Variants in GAS7 observed in about 807,000 individuals in gnomAD.
The protein encoded by GAS7 is growth arrest specific 7.
Under a neutral mutation model 71.1 loss-of-function variants are expected in GAS7, and 28 were observed. That is an observed-to-expected ratio of 0.39 (90% CI 0.29 to 0.54). GAS7 has a LOEUF of 0.54. GAS7 is among the 20% of genes least tolerant of loss of function. The pLI, the probability that GAS7 is intolerant of heterozygous loss-of-function variation, is 0.62. For missense variants in GAS7, 436 were observed against 627.8 expected, an observed-to-expected ratio of 0.69 and a Z score of 3.27; for synonymous variants, 258 against 245.8, an observed-to-expected ratio of 1.05 and a Z score of -0.46.
chr17:10,011,374 G>C (rs2071765711), intron 2 of GAS7, among the ~76,000 whole-genome samples: 1 of 151,928 alleles, frequency 6.6e-6, no homozygotes, highest in Admixed American at 6.6e-5. Flanking sequence ...CAAGGGGAGG[G>C]GCTTGGCCAG....
intron 2 of GAS7, among the ~76,000 whole-genome samples, chr17:10,003,906 C>T (rs1380514102): frequency 1.3e-5 from 2 of 152,166 alleles, no homozygotes; most frequent in Non-Finnish European, 2.9e-5. Context: ...GAATCCAACT[C>T]AGAATGAAGT....
chr17:10,143,576 A>G (rs1244165081), intron 1 of GAS7, among the ~76,000 whole-genome samples: 1 of 150,792 alleles, frequency 6.6e-6, no homozygotes, highest in African/African-American at 2.4e-5. Flanking sequence ...CATAAAGGTA[A>G]TTAGGTTAAA....
At chr17:10,197,989 G>C (rs889985519) in intron 1 of GAS7, among the ~76,000 whole-genome samples, 6 of 152,178 alleles carry the variant, frequency 3.9e-5, no homozygotes, top group Non-Finnish European at 8.8e-5. Context: ...GGCGCAAGGT[G>C]GAAGCTCCCC....
At chr17:9,933,167 G>A (rs563140599) in intron 9 of GAS7, among the ~76,000 whole-genome samples, 3 of 152,172 alleles carry the variant, frequency 2.0e-5, no homozygotes, top group African/African-American at 7.2e-5. Flanking sequence ...GCAAGACTCT[G>A]TCTCAAAATC....
rs1405939667 is a variant in GAS7 at position 10,143,893 on chromosome 17, G to A, written c.183+54315C>T. Among the ~76,000 whole-genome samples the A allele has an allele frequency of 3.9e-5, 6 of 152,222 alleles. No homozygotes were observed. In the East Asian group the frequency reaches 1.2e-3, roughly 29 times the overall value. On this transcript the variant is annotated intron_variant, in intron 1 of 13. Coordinates refer to ENST00000432992, the MANE Select transcript of GAS7 (RefSeq NM_201433.2). ...TTGCATGGGCAAGGAGGGTGTCACA[G>A]TTAGTGCCAAGCATGTGAGTGTGCT... is the stretch of plus-strand genomic sequence containing the variant.
intron 3 of GAS7, among the ~76,000 whole-genome samples, chr17:9,980,713 C>T (rs1370839488): frequency 6.6e-6 from 1 of 152,156 alleles, no homozygotes; most frequent in Non-Finnish European, 1.5e-5. Flanking sequence ...CAGACAAAGT[C>T]CCCACCCTCA....
Position 9,926,568 on chromosome 17 carries a change from T to C in GAS7, c.1014+73A>G. On this transcript the variant is annotated intron_variant, in intron 10 of 13. Coordinates refer to ENST00000432992, the MANE Select transcript of GAS7 (RefSeq NM_201433.2). The surrounding 1 kb of genome is among the most constrained non-coding windows in gnomAD (Gnocchi z 5.0). ...CAGCCTTGGCGTATGGAGCCACTGC[T>C]GGCTTCCCAGTCCCCCTTCTTCCAG... 6.6e-7 allele frequency: 1 copy of C among 1,523,656 alleles called. No individual in the cohort carries two copies. Among genetic ancestry groups the C allele is most frequent in the Admixed American group, 1.7e-5 (1 of 59,432 alleles). 94.4% of individuals were successfully genotyped at this position (1,523,656 alleles called of 1,614,324 possible). A position where few individuals can be genotyped will look rare whatever the true frequency, so the allele number is the denominator to read the frequency against.
At chr17:10,140,894 A>G (rs1012639593) in intron 1 of GAS7, among the ~76,000 whole-genome samples, 7 of 152,256 alleles carry the variant, frequency 4.6e-5, no homozygotes, top group Non-Finnish European at 1.0e-4. Flanking sequence ...TACAAATGCT[A>G]AAGATGCAGG....
chr17:9,934,098 A>C, intron 9 of GAS7, 68 bp downstream of exon 9: 1 of 1,016,224 alleles, frequency 9.8e-7, no homozygotes, highest in Non-Finnish European at 1.6e-6. Context: ...CTGGAGAGAC[A>C]GTTGTTAACT....
intron 1 of GAS7, among the ~76,000 whole-genome samples, chr17:10,079,943 A>G (rs2073439747): frequency 6.6e-6 from 1 of 152,250 alleles, no homozygotes; most frequent in Non-Finnish European, 1.5e-5. Flanking sequence ...TATGGAGACA[A>G]TGTAATGTAC....
intron 1 of GAS7, among the ~76,000 whole-genome samples, chr17:10,147,753 A>C (rs1250669017): frequency 6.6e-6 from 1 of 152,222 alleles, no homozygotes; most frequent in Non-Finnish European, 1.5e-5. Flanking sequence ...ATGTTTATCG[A>C]AGCTTCCCAA....
chr17:9,944,454 C>T (rs2068718099), intron 6 of GAS7, among the ~76,000 whole-genome samples: 1 of 152,294 alleles, frequency 6.6e-6, no homozygotes. Context: ...AGTATCTCCC[C>T]GGACCACCCC....
rs2070113193 is a variant in GAS7 at position 9,974,645 on chromosome 17, T to C, written c.386-4883A>G. Among the ~76,000 whole-genome samples, 1 of 152,148 alleles carries C rather than the reference T, an allele frequency of 6.6e-6. No individual in the cohort carries two copies. The highest frequency in any genetic ancestry group is 1.5e-5 in the Non-Finnish European group (1 of 68,018). ...TACACACAGGCACCCACACACTTCATTTCCCTTATAGGCAGTTAAGCAACT... is the reference window on the plus strand; with the variant it reads ...TACACACAGGCACCCACACACTTCACTTCCCTTATAGGCAGTTAAGCAACT... On this transcript the variant is annotated intron_variant, in intron 3 of 13. Coordinates refer to ENST00000432992, the MANE Select transcript of GAS7 (RefSeq NM_201433.2). The surrounding 1 kb of genome is among the most constrained non-coding windows in gnomAD (Gnocchi z 4.0).
intron 5 of GAS7, among the ~76,000 whole-genome samples, chr17:9,955,951 G>A (rs1012760528): frequency 1.3e-4 from 20 of 152,184 alleles, no homozygotes; most frequent in African/African-American, 3.4e-4. Flanking sequence ...GGGCTTTTCC[G>A]CACAGGAGCA....
rs1008415172 is a variant in GAS7, at chr17:9,926,274, T to G, written c.1014+367A>C. On this transcript the variant is annotated intron_variant, in intron 10 of 13. Coordinates refer to ENST00000432992, the MANE Select transcript of GAS7 (RefSeq NM_201433.2). The surrounding 1 kb of genome is among the most constrained non-coding windows in gnomAD (Gnocchi z 5.0). ...GGAAGGAGAGCAGGGAGGCGGTGAC[T>G]GAGTCAGGACGACTCAGCCAGGTGA... 6.6e-6 allele frequency among the ~76,000 whole-genome samples: 1 copy of G among 152,102 alleles called. No homozygotes were observed. Among genetic ancestry groups the G allele is most frequent in the East Asian group, 1.9e-4 (1 of 5,170 alleles).
At chr17:10,031,433 C>T (rs1338294470) in intron 1 of GAS7, among the ~76,000 whole-genome samples, 1 of 152,174 alleles carries the variant, frequency 6.6e-6, no homozygotes, top group African/African-American at 2.4e-5. Flanking sequence ...TCCGGGGGGA[C>T]AAGGATTGAT....
Position 9,959,281 on chromosome 17 carries a change from T to A in GAS7, c.472-26A>T. 2 of 1,614,076 alleles carry A rather than the reference T, an allele frequency of 1.2e-6. No individual in the cohort carries two copies. Among genetic ancestry groups the A allele is most frequent in the Non-Finnish European group, 1.7e-6 (2 of 1,179,938 alleles). On this transcript the variant is annotated intron_variant, in intron 4 of 13. Transcript: ENST00000432992. This position sits in a 1 kb window ranked among gnomAD's most constrained non-coding sequence, Gnocchi z 5.0. Reference sequence around the variant, plus strand: ...CTGGGGAGAGAGGCAAGAAACATCGTCAAAGCTGTTCTCCATATTGGACAT... The same window carrying A: ...CTGGGGAGAGAGGCAAGAAACATCGACAAAGCTGTTCTCCATATTGGACAT...
rs1350039092 is a variant in GAS7 at position 9,919,487 on chromosome 17, C to T, written c.1218+139G>A. The T allele has an allele frequency of 1.4e-5, 10 of 732,902 alleles. No homozygotes were observed. The highest frequency in any genetic ancestry group is 5.1e-5 in the East Asian group (2 of 39,582). The allele number at this position is 732,902 out of a possible 1,614,324, so 45.4% of individuals were successfully genotyped here. ...CATAAGCTGGCTCACATTGAGGTTT[C>T]GACCCCAACACTGAAGTAGATTTGA... On this transcript the variant is annotated intron_variant, in intron 12 of 13. Coordinates refer to ENST00000432992, the MANE Select transcript of GAS7 (RefSeq NM_201433.2). The surrounding 1 kb of genome is among the most constrained non-coding windows in gnomAD (Gnocchi z 5.0).
intron 4 of GAS7, among the ~76,000 whole-genome samples, chr17:9,966,524 A>G (rs9902829): frequency 0.58 from 88,054 of 152,054 alleles, 26,695 homozygotes; most frequent in African/African-American, 0.78. Flanking sequence ...ATCATGAGTG[A>G]TAACTGACAG....
Sources: allele counts gnomAD v4.1 joint callset (sites outside exome capture counted in the v4.1 genomes callset), GRCh38; gene constraint gnomAD v4.1.1; non-coding constraint Gnocchi (gnomAD v3.1); transcripts MANE v1.5; gene names NCBI Gene and HGNC (gene_info 2026-07-23, HGNC 2026-07-21).